MAGI1: variants seen among roughly 807,000 people sequenced by gnomAD.
The protein encoded by MAGI1 is membrane-associated guanylate kinase, WW and PDZ domain-containing protein 1.
A neutral mutation model predicts 139.9 loss-of-function variants in MAGI1; 58 were observed. The observed-to-expected ratio is 0.41, with a 90% CI of 0.34 to 0.52. The LOEUF (loss-of-function observed/expected upper bound fraction) is 0.52, where lower values mean the gene tolerates loss of function less well. Ranked by LOEUF, MAGI1 falls within the 20% of genes least tolerant of loss-of-function variation. The pLI, the probability that MAGI1 is intolerant of heterozygous loss-of-function variation, is 0.12. For synonymous variants in MAGI1, 812 were observed against 737.9 expected, an observed-to-expected ratio of 1.10 and a Z score of -1.63; for missense variants, 1,874 against 1,901.6, an observed-to-expected ratio of 0.99 and a Z score of 0.27.
intron 1 of MAGI1, among the ~76,000 whole-genome samples, chr3:65,754,616 C>T (rs2036417003): frequency 6.6e-6 from 1 of 152,356 alleles, no homozygotes; most frequent in Admixed American, 6.5e-5. Flanking sequence ...TTCGTGTACA[C>T]TGGGTTTTCC....
chr3:65,611,213 G>A (rs1243998318), intron 2 of MAGI1, among the ~76,000 whole-genome samples: 4 of 139,924 alleles, frequency 2.9e-5, no homozygotes, highest in Non-Finnish European at 4.6e-5. Flanking sequence ...ATACACACGT[G>A]TAGTACTATA....
chr3:65,364,532 G>A (rs1010460387), intron 20 of MAGI1, 133 bp downstream of exon 20: 40 of 736,956 alleles, frequency 5.4e-5, no homozygotes, highest in African/African-American at 3.7e-4. Flanking sequence ...GTAAGTATAC[G>A]TTTGGTAAAT....
At chr3:65,476,096 G>C (rs1260040485) in intron 4 of MAGI1, among the ~76,000 whole-genome samples, 1 of 151,900 alleles carries the variant, frequency 6.6e-6, no homozygotes, top group Non-Finnish European at 1.5e-5. Context: ...ATTTAATGTG[G>C]TTCAGAACAC....
chr3:65,932,683 G>T (rs184424694), intron 1 of MAGI1, among the ~76,000 whole-genome samples: 3 of 152,134 alleles, frequency 2.0e-5, no homozygotes, highest in Non-Finnish European at 2.9e-5. Context: ...TATAATAAGA[G>T]AGCCAAAGGG....
At chr3:65,864,755 A>AAATATTAGACTAATATTAGACT (rs1304864574) in intron 1 of MAGI1, among the ~76,000 whole-genome samples, 27 of 152,234 alleles carry the variant, frequency 1.8e-4, no homozygotes, top group Non-Finnish European at 3.4e-4. Flanking sequence ...CATTCGACAG[A>AAATATTAGACTAATATTAGACT]AATATTAGAC....
intron 12 of MAGI1, chr3:65,401,716 G>A: frequency 6.7e-7 from 1 of 1,502,090 alleles, no homozygotes; most frequent in Non-Finnish European, 8.9e-7. Flanking sequence ...CAGCAGCCTG[G>A]AGGCTGGGAA....
At chr3:66,026,384 C>T (rs1191702037) in intron 1 of MAGI1, among the ~76,000 whole-genome samples, 1 of 152,114 alleles carries the variant, frequency 6.6e-6, no homozygotes, top group African/African-American at 2.4e-5. Context: ...AAAAGTCAGA[C>T]ATATGGCTAA....
intron 1 of MAGI1, among the ~76,000 whole-genome samples, chr3:65,686,752 C>A (rs953261561): frequency 6.6e-6 from 1 of 152,174 alleles, no homozygotes; most frequent in African/African-American, 2.4e-5. Flanking sequence ...AGCATCTGAA[C>A]CAAGAATCTT....
chr3:65,490,749 C>T lies in MAGI1; in HGVS notation c.550+2763G>A, dbSNP rs1053191019. On this transcript the variant is annotated intron_variant, in intron 3 of 22. Coordinates refer to ENST00000402939, the MANE Select transcript of MAGI1 (RefSeq NM_001033057.2). ...GTTCCAGCTACTCAGGAGGCTGAGG[C>T]AGGAGAATCGCTTGAACATGGGAGG... is the stretch of plus-strand genomic sequence containing the variant. Among the ~76,000 whole-genome samples, 4 of 144,586 alleles carry T rather than the reference C, an allele frequency of 2.8e-5. No homozygotes were observed. In the East Asian group the frequency reaches 8.3e-4, roughly 30 times the overall value. The allele number at this position is 144,586 out of a possible 152,430, so 94.9% of individuals were successfully genotyped here. A position where few individuals can be genotyped will look rare whatever the true frequency, so the allele number is the denominator to read the frequency against.
chr3:65,767,003 T>C (rs918114729), intron 1 of MAGI1, among the ~76,000 whole-genome samples: 26 of 152,316 alleles, frequency 1.7e-4, no homozygotes, highest in Non-Finnish European at 3.5e-4. Context: ...GCAGGTCATA[T>C]TGCCCTCTCT....
chr3:65,838,992 A>C (rs2058719607), intron 1 of MAGI1, among the ~76,000 whole-genome samples: 1 of 152,160 alleles, frequency 6.6e-6, no homozygotes, highest in Non-Finnish European at 1.5e-5. Context: ...ACATCTTTTT[A>C]AGTGCTTACT....
intron 14 of MAGI1, among the ~76,000 whole-genome samples, chr3:65,387,387 TC>T (rs1161226907): frequency 1.9e-4 from 4 of 20,544 alleles, no homozygotes; most frequent in African/African-American, 3.9e-4. Flanking sequence ...ATTTTTTCTT[TC>T]TTTTTTTTTT....
chr3:65,468,903 T>C (rs1225166375), intron 5 of MAGI1, among the ~76,000 whole-genome samples: 3 of 149,782 alleles, frequency 2.0e-5, no homozygotes, highest in Non-Finnish European at 4.4e-5. Context: ...GCTACTGCAC[T>C]CTAGCCCAGG....
Position 65,957,279 on chromosome 3 carries a change from G to A in MAGI1, c.313+80717C>T, listed in dbSNP as rs150281134. On this transcript the variant is annotated intron_variant, in intron 1 of 22. Coordinates refer to ENST00000402939, the MANE Select transcript of MAGI1 (RefSeq NM_001033057.2). ...TCTATAATACAGTACTTTGGGAGGC[G>A]TCGATGGGTAGATCACTTGAGGCCA... 8.5e-4 allele frequency among the ~76,000 whole-genome samples: 127 copies of A among 148,980 alleles called. No homozygotes were observed. The East Asian group carries it at 0.022, about 25-fold the overall frequency.
In MAGI1 at chr3:65,407,451, A is replaced by T. The variant is rs1354462588; in HGVS notation, c.2168-5981T>A. Among the ~76,000 whole-genome samples the T allele has an allele frequency of 1.2e-4, 18 of 152,024 alleles. No homozygotes were observed. In the South Asian group the frequency reaches 3.5e-3, roughly 30 times the overall value. ...GACAGAGTGAGACTCCGTCTCAAAA[A>T]AAAAAAAAAAAGGAAACAATCTGAA... On this transcript the variant is annotated intron_variant, in intron 12 of 22. Coordinates refer to ENST00000402939, the MANE Select transcript of MAGI1 (RefSeq NM_001033057.2).
At chr3:65,479,835 C>T (rs1185329363) in intron 3 of MAGI1, among the ~76,000 whole-genome samples, 1 of 151,846 alleles carries the variant, frequency 6.6e-6, no homozygotes, top group East Asian at 1.9e-4. Flanking sequence ...TGAACAAAAT[C>T]ACAAAGGGTG....
chr3:66,011,042 T>C (rs903248057), intron 1 of MAGI1, among the ~76,000 whole-genome samples: 1 of 152,204 alleles, frequency 6.6e-6, no homozygotes, highest in Non-Finnish European at 1.5e-5. Context: ...GACACCAATT[T>C]GCCCAAAGTC....
intron 2 of MAGI1, among the ~76,000 whole-genome samples, chr3:65,560,948 C>T (rs971464952): frequency 1.3e-4 from 20 of 152,160 alleles, no homozygotes; most frequent in African/African-American, 3.1e-4. Context: ...AAAATGGTTA[C>T]GCCAGTAGAT....
intron 1 of MAGI1, among the ~76,000 whole-genome samples, chr3:65,829,243 T>C (rs1424912987): frequency 1.3e-5 from 2 of 152,226 alleles, no homozygotes; most frequent in Non-Finnish European, 2.9e-5. Context: ...AGAGCATTTC[T>C]GAACACCTTC....
Sources: gnomAD v4.1 joint callset for allele counts (sites outside exome capture counted in the v4.1 genomes callset) on GRCh38, gnomAD v4.1.1 for gene constraint, MANE v1.5 for transcripts, NCBI Gene and HGNC (gene_info 2026-07-23, HGNC 2026-07-21) for gene names.